EEF1A2: variants seen among roughly 807,000 people sequenced by gnomAD.
EEF1A2 encodes eukaryotic translation elongation factor 1 alpha 2.
In EEF1A2, 5 loss-of-function variants were observed where a neutral mutation model predicts 39.3. That is an observed-to-expected ratio of 0.13 (90% confidence interval 0.07 to 0.27). The LOEUF (loss-of-function observed/expected upper bound fraction) is 0.27, where lower values mean the gene tolerates loss of function less well. EEF1A2 is among the 10% of genes least tolerant of loss of function. EEF1A2 has a pLI of 1.00. For missense variants in EEF1A2, 218 were observed against 681.4 expected (o/e 0.32, Z 7.57); for synonymous variants, 287 against 293.7 (o/e 0.98, Z 0.23).
At chr20:63,495,269 T>A (rs1255250761) in intron 3 of EEF1A2, among the ~76,000 whole-genome samples, 168 bp from the exon 4 acceptor site, 1 of 152,142 alleles carries the variant, frequency 6.6e-6, no homozygotes, top group Admixed American at 6.5e-5. Context: ...AAGGGCAGCA[T>A]GGGGGCTCAT....
intron 3 of EEF1A2, 70 bp downstream of exon 3, chr20:63,495,786 A>G: frequency 6.4e-7 from 1 of 1,565,474 alleles, no homozygotes; most frequent in South Asian, 1.2e-5. Context: ...CAGTGACCCC[A>G]GGGGCCCCCA....
In EEF1A2 at chr20:63,488,363, T is replaced by C; in HGVS notation, c.1327A>G (p.Lys443Glu). Reference protein sequence around the residue: ...VAVGVIKNVEKKSGGAGKVTK... With the variant: ...VAVGVIKNVEEKSGGAGKVTK... ...ACCTTGCCGGCGCCGCCGCTCTTCTTCTCCACGTTCTTGATGACGCCTACG... is the reference window on the plus strand; with the variant it reads ...ACCTTGCCGGCGCCGCCGCTCTTCTCCTCCACGTTCTTGATGACGCCTACG... Residue 443 changes from lysine to glutamate, a missense_variant, in exon 8 of 8, where the codon AAG (lysine) becomes GAG (glutamate). Lys to Glu is a moderately conservative substitution (Grantham distance 56). Coordinates refer to ENST00000217182, the MANE Select transcript of EEF1A2 (RefSeq NM_001958.5). 6.8e-7 allele frequency: 1 copy of C among 1,476,494 alleles called. No homozygotes were observed. Among genetic ancestry groups the C allele is most frequent in the Non-Finnish European group, 9.0e-7 (1 of 1,114,856 alleles). 91.5% of individuals were successfully genotyped at this position (1,476,494 alleles called of 1,614,324 possible). A position where few individuals can be genotyped will look rare whatever the true frequency, so the allele number is the denominator to read the frequency against.
At chr20:63,493,664 C>T (rs892205980) in intron 4 of EEF1A2, among the ~76,000 whole-genome samples, 1 of 152,204 alleles carries the variant, frequency 6.6e-6, no homozygotes, top group Non-Finnish European at 1.5e-5. Flanking sequence ...TGGCCAAGGG[C>T]CAGGCCAGGG....
intron 4 of EEF1A2, 94 bp from the exon 5 acceptor site, chr20:63,493,381 C>G: frequency 7.2e-7 from 1 of 1,394,094 alleles, no homozygotes. Flanking sequence ...TACTGCTGTT[C>G]AGGCTAAACT....
In EEF1A2 at chr20:63,498,939, G is replaced by A. The variant is rs2145947996; in HGVS notation, c.-72+119C>T. On this transcript the variant is annotated intron_variant, in intron 1 of 7. Coordinates refer to ENST00000217182, the MANE Select transcript of EEF1A2 (RefSeq NM_001958.5). This position sits in a 1 kb window ranked among gnomAD's most constrained non-coding sequence, Gnocchi z 4.1. ...CGGGGACCCCCGGAAGCCGGACTCC[G>A]GGCGCGCGCGGGGGCGGGTGCGGGG... is the stretch of plus-strand genomic sequence containing the variant. 6.7e-6 allele frequency: 1 copy of A among 149,490 alleles called. No homozygotes were observed. Among genetic ancestry groups the A allele is most frequent in the African/African-American group, 2.4e-5 (1 of 41,218 alleles). 9.3% of individuals were successfully genotyped at this position (149,490 alleles called of 1,614,324 possible). A position where few individuals can be genotyped will look rare whatever the true frequency, so the allele number is the denominator to read the frequency against.
At chr20:63,493,066 T>A in intron 5 of EEF1A2, 71 bp downstream of exon 5, 1 of 1,506,058 alleles carries the variant, frequency 6.6e-7, no homozygotes, top group African/African-American at 1.4e-5. Context: ...TTGAGATGCC[T>A]TGTAGGGGCC....
rs368043002 is a variant in EEF1A2, at chr20:63,495,892, G to T, written c.288C>A (p.Arg96=). 1 of 1,613,294 alleles carries T rather than the reference G, an allele frequency of 6.2e-7. No individual in the cohort carries two copies. The highest frequency in any genetic ancestry group is 8.5e-7 in the Non-Finnish European group (1 of 1,179,896). Residue 96 remains arginine, a synonymous_variant, in exon 3 of 8, where the codon CGC becomes CGA. Coordinates refer to ENST00000217182, the MANE Select transcript of EEF1A2 (RefSeq NM_001958.5). ...CCGTGATCATGTTCTTGATGAAGTC[G>T]CGGTGGCCGGGGGCATCGATGATGG... ...YITIIDAPGH[R]DFIKNMITGT... is the part of the protein sequence containing the mutation.
In EEF1A2 at chr20:63,498,037, G is replaced by C. The variant is rs1367457557; in HGVS notation, c.-71-203C>G. 1 of 375,820 alleles carries C rather than the reference G, an allele frequency of 2.7e-6. No homozygotes were observed. The highest frequency in any genetic ancestry group is 4.8e-6 in the Non-Finnish European group (1 of 208,516). 23.3% of individuals were successfully genotyped at this position (375,820 alleles called of 1,614,324 possible). On this transcript the variant is annotated intron_variant, in intron 1 of 7. Coordinates refer to ENST00000217182, the MANE Select transcript of EEF1A2 (RefSeq NM_001958.5). This position sits in a 1 kb window ranked among gnomAD's most constrained non-coding sequence, Gnocchi z 4.1. Reference sequence around the variant, plus strand: ...TGTGCACTGCCCCCACCCCACACTTGAGCCCAAACAGCCCCATCTGCTGTA... The same window carrying C: ...TGTGCACTGCCCCCACCCCACACTTCAGCCCAAACAGCCCCATCTGCTGTA...
chr20:63,488,217 G>T lies in EEF1A2; in HGVS notation c.*81C>A. On this transcript the variant is annotated 3_prime_UTR_variant, in exon 8 of 8. Transcript: ENST00000217182. ...TGCGGGGCGCCGGACCGGCGCGCGG[G>T]GCGGGGGCGGGGCGGGGGCCCGGGC... The T allele has an allele frequency of 1.1e-6, 1 of 877,090 alleles. No individual in the cohort carries two copies. Among genetic ancestry groups the T allele is most frequent in the Non-Finnish European group, 1.3e-6 (1 of 750,660 alleles). The allele number at this position is 877,090 out of a possible 1,614,324, so 54.3% of individuals were successfully genotyped here. A position where few individuals can be genotyped will look rare whatever the true frequency, so the allele number is the denominator to read the frequency against.
chr20:63,494,079 C>T (rs13039831), intron 4 of EEF1A2, among the ~76,000 whole-genome samples: 31,529 of 152,286 alleles, frequency 0.21, 4,129 homozygotes, highest in Admixed American at 0.31. Flanking sequence ...CAGCTCCAGG[C>T]TCAGTGCTGC....
intron 5 of EEF1A2, among the ~76,000 whole-genome samples, chr20:63,491,189 T>TCCCTGCTCCCTGCAGG (rs977685187): frequency 3.0e-5 from 2 of 67,620 alleles, no homozygotes; most frequent in Admixed American, 1.3e-4. Flanking sequence ...GTGGCCCTGC[T>TCCCTGCTCCCTGCAGG]CCCTGCTCCC....
chr20:63,494,416 G>A (rs1249020475), intron 4 of EEF1A2, among the ~76,000 whole-genome samples: 1 of 152,224 alleles, frequency 6.6e-6, no homozygotes, highest in East Asian at 1.9e-4. Context: ...AGGCCCCCAC[G>A]GCCCAGCCCA....
At chr20:63,495,717 G>T in intron 3 of EEF1A2, 139 bp downstream of exon 3, 1 of 1,080,584 alleles carries the variant, frequency 9.3e-7, no homozygotes, top group Non-Finnish European at 1.3e-6. Flanking sequence ...GACTGGGTGA[G>T]GGTGGCCCAG....
In EEF1A2 at chr20:63,488,313, C is replaced by T. The variant is rs2082362018; in HGVS notation, c.1377G>A (p.Gln459=). The T allele has an allele frequency of 7.1e-7, 1 of 1,417,782 alleles. No individual in the cohort carries two copies. The highest frequency in any genetic ancestry group is 1.4e-5 in the South Asian group (1 of 73,172). The allele number at this position is 1,417,782 out of a possible 1,614,324, so 87.8% of individuals were successfully genotyped here. A position where few individuals can be genotyped will look rare whatever the true frequency, so the allele number is the denominator to read the frequency against. ...CGCCCGCGCTTCACTTGCCCGCCTT[C>T]TGCGCCTTCTGCGCCGACTTGGTGA... ...GKVTKSAQKA[Q]KAGK The change falls in exon 8 of 8, where the codon CAG becomes CAA. Residue 459 remains glutamine, a synonymous_variant. Coordinates refer to ENST00000217182, the MANE Select transcript of EEF1A2 (RefSeq NM_001958.5).
At position 63,488,265 on chromosome 20, in the gene EEF1A2, G is replaced by A. The variant is rs1240749224; in HGVS notation, c.*33C>T. The A allele has an allele frequency of 4.7e-6, 5 of 1,069,246 alleles. No individual in the cohort carries two copies. In the Admixed American group the frequency reaches 2.1e-4, roughly 44 times the overall value. 66.2% of individuals were successfully genotyped at this position (1,069,246 alleles called of 1,614,324 possible). A position where few individuals can be genotyped will look rare whatever the true frequency, so the allele number is the denominator to read the frequency against. On this transcript the variant is annotated 3_prime_UTR_variant, in exon 8 of 8. Coordinates refer to ENST00000217182, the MANE Select transcript of EEF1A2 (RefSeq NM_001958.5). ...GGCCCGGGGTTCGGAGCGCGGCACC[G>A]CCGGGGAGGGTCGCGCCGCGGGCGC... is the stretch of plus-strand genomic sequence containing the variant.
chr20:63,492,579 T>G (rs1421056738), intron 5 of EEF1A2, among the ~76,000 whole-genome samples: 1 of 136,100 alleles, frequency 7.3e-6, no homozygotes, highest in Non-Finnish European at 1.6e-5. Flanking sequence ...GGTGGGACAA[T>G]GGATGGATGG....
At position 63,488,772 on chromosome 20, in the gene EEF1A2, G is replaced by A. The variant is rs377198691; in HGVS notation, c.1264+146C>T. ...ACCTGCACTCAGTGACACGGAGGCC[G>A]TGGCTCTCCTGCCATGCTCTGGGCC... On this transcript the variant is annotated intron_variant, in intron 7 of 7. Coordinates refer to ENST00000217182, the MANE Select transcript of EEF1A2 (RefSeq NM_001958.5). 4.3e-3 allele frequency: 3,851 copies of A among 904,342 alleles called. 31 individuals are homozygous for A. The highest frequency in any genetic ancestry group is 0.024 in the South Asian group (1,429 of 58,832). 56.0% of individuals were successfully genotyped at this position (904,342 alleles called of 1,614,324 possible).
At position 63,498,005 on chromosome 20, in the gene EEF1A2, C is replaced by T; in HGVS notation, c.-71-171G>A. The stretch of plus-strand genomic sequence containing the variant: ...CACAGCTGGGCCTGGCCAGGGCAAG[C>T]AGAGGCTGTGCACTGCCCCCACCCC... On this transcript the variant is annotated intron_variant, in intron 1 of 7. Coordinates refer to ENST00000217182, the MANE Select transcript of EEF1A2 (RefSeq NM_001958.5). This position sits in a 1 kb window ranked among gnomAD's most constrained non-coding sequence, Gnocchi z 4.1. 2.0e-6 allele frequency: 1 copy of T among 505,118 alleles called. No individual in the cohort carries two copies. The highest frequency in any genetic ancestry group is 3.5e-6 in the Non-Finnish European group (1 of 286,310). 31.3% of individuals were successfully genotyped at this position (505,118 alleles called of 1,614,324 possible).
intron 2 of EEF1A2, chr20:63,496,336 TA>T: frequency 2.4e-6 from 1 of 419,642 alleles, no homozygotes; most frequent in South Asian, 3.2e-5. Context: ...CCAGATGGGA[TA>T]AACCCCTCCC....
Sources: gnomAD v4.1 joint callset for allele counts (sites outside exome capture counted in the v4.1 genomes callset) on GRCh38, gnomAD v4.1.1 for gene constraint, Gnocchi (gnomAD v3.1) non-coding constraint, MANE v1.5 for transcripts, NCBI Gene and HGNC (gene_info 2026-07-23, HGNC 2026-07-21) for gene names.